The following SMAD6 variants were observed in gnomAD, a reference collection of about 807,000 sequenced individuals.
The protein encoded by SMAD6 is MAD homolog 6.
In SMAD6, 103 loss-of-function variants were observed where a neutral mutation model predicts 39.4. The observed-to-expected ratio is 2.62, with a 90% CI of 2.23 to 3.08. The LOEUF (loss-of-function observed/expected upper bound fraction) is 3.08. Among genes scored for constraint, SMAD6 ranks in the 30% most tolerant of loss-of-function variants. The probability of loss-of-function intolerance (pLI) is 0.00; values close to 1 mark genes in which losing one functional copy is unlikely to be tolerated. For synonymous variants in SMAD6, 445 were observed against 353.3 expected, an observed-to-expected ratio of 1.26 and a Z score of -2.91; for missense variants, 1,104 against 742.9, an observed-to-expected ratio of 1.49 and a Z score of -5.65.
chr15:66,703,887 G>A lies in SMAD6; in HGVS notation c.629G>A (p.Arg210His). 1 of 1,307,996 alleles carries A rather than the reference G, an allele frequency of 7.6e-7. No individual in the cohort carries two copies. Among genetic ancestry groups the A allele is most frequent in the Non-Finnish European group, 9.7e-7 (1 of 1,028,832 alleles). 81.0% of individuals were successfully genotyped at this position (1,307,996 alleles called of 1,614,324 possible). A position where few individuals can be genotyped will look rare whatever the true frequency, so the allele number is the denominator to read the frequency against. The change falls in exon 1 of 4, where the codon CGC (arginine) becomes CAC (histidine). Residue 210 changes from arginine (R) to histidine (H), a missense_variant. By Grantham distance (29) the Arg-to-His change is conservative (BLOSUM62 0). Coordinates refer to ENST00000288840, the MANE Select transcript of SMAD6 (RefSeq NM_005585.5). ...GVPGGCVLVPRADLRLGGQPA... is the reference protein window; with the variant it reads ...GVPGGCVLVPHADLRLGGQPA... Reference sequence around the variant, plus strand: ...CCGGGCGGCTGCGTGCTGGTGCCGCGCGCCGACCTCCGCCTGGGCGGCCAG... The same window carrying A: ...CCGGGCGGCTGCGTGCTGGTGCCGCACGCCGACCTCCGCCTGGGCGGCCAG...
chr15:66,766,230 C>T (rs1359309791), intron 3 of SMAD6, among the ~76,000 whole-genome samples: 2 of 151,102 alleles, frequency 1.3e-5, no homozygotes, highest in Non-Finnish European at 2.9e-5. Context: ...CAGGCGCCAG[C>T]CTCGTAGAGG....
At chr15:66,733,753 T>G (rs1323695458) in intron 3 of SMAD6, among the ~76,000 whole-genome samples, 2 of 152,224 alleles carry the variant, frequency 1.3e-5, no homozygotes, top group Non-Finnish European at 2.9e-5. Context: ...TGTGACACTT[T>G]GGGCAAGTTG....
At chr15:66,731,028 TA>T (rs1426028085) in intron 3 of SMAD6, among the ~76,000 whole-genome samples, 1 of 151,210 alleles carries the variant, frequency 6.6e-6, no homozygotes, top group African/African-American at 2.4e-5. Context: ...TTTGGTTTAT[TA>T]AGATAAAATC....
intron 1 of SMAD6, among the ~76,000 whole-genome samples, chr15:66,711,331 C>G (rs1484112971): frequency 6.6e-6 from 1 of 152,178 alleles, no homozygotes; most frequent in Non-Finnish European, 1.5e-5. Flanking sequence ...AAGAGCTGCA[C>G]TAAGCATTTT....
intron 3 of SMAD6, among the ~76,000 whole-genome samples, chr15:66,773,299 G>T (rs1018999705): frequency 6.6e-6 from 1 of 152,166 alleles, no homozygotes; most frequent in African/African-American, 2.4e-5. Context: ...AGAGAGGCTC[G>T]TTCTAAGCTG....
chr15:66,751,133 T>C lies in SMAD6; in HGVS notation c.953-29864T>C, dbSNP rs556318352. On this transcript the variant is annotated intron_variant, in intron 3 of 3. Coordinates refer to ENST00000288840, the MANE Select transcript of SMAD6 (RefSeq NM_005585.5). Reference sequence around the variant, plus strand: ...AGAACGCCCCGTGCCTGAGATTCTCTGAGTAAAAGCACTTTGCAAAATGTT... The same window carrying C: ...AGAACGCCCCGTGCCTGAGATTCTCCGAGTAAAAGCACTTTGCAAAATGTT... 2.0e-5 allele frequency among the ~76,000 whole-genome samples: 3 copies of C among 150,798 alleles called. No homozygotes were observed. The South Asian group carries it at 6.2e-4, about 31-fold the overall frequency.
intron 3 of SMAD6, among the ~76,000 whole-genome samples, chr15:66,754,767 T>C (rs1894068274): frequency 6.6e-6 from 1 of 152,206 alleles, no homozygotes; most frequent in African/African-American, 2.4e-5. Context: ...AGAGGAAAGT[T>C]ACCCCAACAG....
intron 3 of SMAD6, among the ~76,000 whole-genome samples, chr15:66,778,085 C>T (rs1338206482): frequency 7.2e-6 from 1 of 139,522 alleles, no homozygotes. Context: ...TTTTCTTTTC[C>T]TTTTTTTTTT....
chr15:66,739,964 C>T (rs539721908), intron 3 of SMAD6, among the ~76,000 whole-genome samples: 5 of 152,286 alleles, frequency 3.3e-5, no homozygotes, highest in East Asian at 1.9e-4. Context: ...TACAGTTTTG[C>T]GTCCTGCCTT....
intron 3 of SMAD6, among the ~76,000 whole-genome samples, chr15:66,742,002 G>A (rs1055352107): frequency 4.1e-4 from 62 of 152,200 alleles, no homozygotes; most frequent in African/African-American, 1.4e-3. Flanking sequence ...GCCAGACTGG[G>A]GGAGAGATTG....
intron 3 of SMAD6, among the ~76,000 whole-genome samples, chr15:66,723,195 C>T (rs1163840170): frequency 1.3e-5 from 2 of 152,150 alleles, no homozygotes. Flanking sequence ...CTTGGACCTC[C>T]ACCCCTCCAT....
intron 3 of SMAD6, among the ~76,000 whole-genome samples, chr15:66,749,180 C>A (rs920668117): frequency 6.6e-6 from 1 of 152,076 alleles, no homozygotes; most frequent in African/African-American, 2.4e-5. Flanking sequence ...CAAAAACTGG[C>A]CAGGTGCAGT....
intron 3 of SMAD6, among the ~76,000 whole-genome samples, chr15:66,751,685 G>A (rs1027611402): frequency 6.6e-6 from 1 of 152,224 alleles, no homozygotes; most frequent in Non-Finnish European, 1.5e-5. Context: ...CCCTCACCCC[G>A]TCTTCAGTGG....
At chr15:66,768,605 C>T (rs1294075652) in intron 3 of SMAD6, among the ~76,000 whole-genome samples, 3 of 152,272 alleles carry the variant, frequency 2.0e-5, no homozygotes, top group Non-Finnish European at 4.4e-5. Context: ...AGCTCATTTG[C>T]CATTCTGTTA....
chr15:66,748,205 AT>A (rs34637025), intron 3 of SMAD6, among the ~76,000 whole-genome samples: 5,692 of 138,018 alleles, frequency 0.041, 205 homozygotes, highest in African/African-American at 0.11. Flanking sequence ...ATTTCTTCCC[AT>A]TTTTTTTTTT....
At position 66,749,606 on chromosome 15, in the gene SMAD6, C is replaced by A. The variant is rs546148503; in HGVS notation, c.953-31391C>A. Among the ~76,000 whole-genome samples, 4 of 151,394 alleles carry A rather than the reference C, an allele frequency of 2.6e-5. No individual in the cohort carries two copies. In the South Asian group the frequency reaches 8.3e-4, roughly 31 times the overall value. ...GTACTCCAGCCTGGGTAACAGAGAT[C>A]CTACCTCAAAAAAACAAAAAAATTT... On this transcript the variant is annotated intron_variant, in intron 3 of 3. Coordinates refer to ENST00000288840, the MANE Select transcript of SMAD6 (RefSeq NM_005585.5).
intron 3 of SMAD6, among the ~76,000 whole-genome samples, chr15:66,736,736 G>C (rs575176229): frequency 1.5e-4 from 22 of 151,194 alleles, no homozygotes; most frequent in Non-Finnish European, 2.4e-4. Flanking sequence ...GTGTGATCTT[G>C]GCTCACTGCA....
At chr15:66,734,465 A>T (rs1893680911) in intron 3 of SMAD6, among the ~76,000 whole-genome samples, 1 of 152,124 alleles carries the variant, frequency 6.6e-6, no homozygotes, top group African/African-American at 2.4e-5. Flanking sequence ...GAGGGAGGGG[A>T]AGAGCCTTTT....
At chr15:66,776,331 C>T (rs1023622737) in intron 3 of SMAD6, among the ~76,000 whole-genome samples, 7 of 152,210 alleles carry the variant, frequency 4.6e-5, no homozygotes, top group Non-Finnish European at 1.0e-4. Flanking sequence ...AAACAAGGCA[C>T]CTCCTTCCTT....
Sources: gnomAD v4.1 joint callset for allele counts (sites outside exome capture counted in the v4.1 genomes callset) on GRCh38, gnomAD v4.1.1 for gene constraint, MANE v1.5 for transcripts, NCBI Gene and HGNC (gene_info 2026-07-23, HGNC 2026-07-21) for gene names.